The following MELK variants were observed in gnomAD, a reference collection of about 807,000 sequenced individuals.
The protein encoded by MELK is pEg3 kinase.
MELK carries 81 observed loss-of-function variants against 85.0 expected under a neutral mutation model. The ratio of observed to expected loss-of-function variants is 0.95; its 90% CI spans 0.80 to 1.15. MELK has a LOEUF of 1.15. Among genes scored for constraint, MELK ranks in the 50% most tolerant of loss-of-function variants. The pLI is 0.00. For synonymous variants in MELK, 252 were observed against 265.0 expected (o/e 0.95, Z 0.48); for missense variants, 754 against 777.5 (o/e 0.97, Z 0.36).
chr9:36,587,623 T>G (rs1313864615), intron 3 of MELK, among the ~76,000 whole-genome samples: 1 of 150,310 alleles, frequency 6.7e-6, no homozygotes, highest in African/African-American at 2.5e-5. Context: ...CCCCCGCCTT[T>G]TTTTTTCTGA....
intron 1 of MELK, among the ~76,000 whole-genome samples, chr9:36,573,546 C>A (rs752560607): frequency 6.6e-6 from 1 of 152,102 alleles, no homozygotes; most frequent in Non-Finnish European, 1.5e-5. Context: ...GCTCTTGTTG[C>A]CCAGGCTGGA....
intron 4 of MELK, among the ~76,000 whole-genome samples, chr9:36,590,003 C>T (rs1218320484): frequency 6.6e-6 from 1 of 150,484 alleles, no homozygotes; most frequent in Admixed American, 6.6e-5. Flanking sequence ...CTCACTGCAC[C>T]CTCCACCTCC....
Position 36,665,539 on chromosome 9 carries a change from G to A in MELK, c.1366G>A (p.Glu456Lys), listed in dbSNP as rs1193124922. Residue 456 changes from glutamate to lysine, a missense_variant, in exon 14 of 18, where the codon GAA (glutamate) becomes AAA (lysine). Transcript: ENST00000298048. Reference protein sequence around the residue: ...TPVNKNQHKREILTTPNRYTT... With the variant: ...TPVNKNQHKRKILTTPNRYTT... ...AGTTAATAAGAACCAGCATAAGAGA[G>A]AAATACTCACTACGCCAAATCGTTA... 6.2e-7 allele frequency: 1 copy of A among 1,613,836 alleles called. No homozygotes were observed. The highest frequency in any genetic ancestry group is 8.5e-7 in the Non-Finnish European group (1 of 1,179,888).
At chr9:36,668,810 G>A (rs1832626024) in intron 14 of MELK, among the ~76,000 whole-genome samples, 1 of 152,088 alleles carries the variant, frequency 6.6e-6, no homozygotes, top group African/African-American at 2.4e-5. Context: ...ACTGTGCCTG[G>A]CCAAAGCTTA....
intron 7 of MELK, among the ~76,000 whole-genome samples, chr9:36,604,371 C>T (rs536940182): frequency 5.7e-4 from 84 of 146,954 alleles, no homozygotes; most frequent in African/African-American, 1.6e-3. Context: ...CTCTGCCTCC[C>T]GGGTTCAGGC....
Position 36,658,956 on chromosome 9 carries a change from A to C in MELK, c.1176+1593A>C, listed in dbSNP as rs554948437. Among the ~76,000 whole-genome samples the C allele has an allele frequency of 2.8e-5, 4 of 143,488 alleles. No homozygotes were observed. The South Asian group carries it at 8.7e-4, about 31-fold the overall frequency. The allele number at this position is 143,488 out of a possible 152,430, so 94.1% of individuals were successfully genotyped here. A position where few individuals can be genotyped will look rare whatever the true frequency, so the allele number is the denominator to read the frequency against. On this transcript the variant is annotated intron_variant, in intron 13 of 17. Coordinates refer to ENST00000298048, the MANE Select transcript of MELK (RefSeq NM_014791.4). Reference sequence around the variant, plus strand: ...GACTGCAGTGGCGCTATCTTGGCTCACTGCAAGCTCCGCCTCCTGGGTTCA... The same window carrying C: ...GACTGCAGTGGCGCTATCTTGGCTCCCTGCAAGCTCCGCCTCCTGGGTTCA...
intron 8 of MELK, among the ~76,000 whole-genome samples, chr9:36,611,293 C>A (rs1001790921): frequency 6.6e-6 from 1 of 152,166 alleles, no homozygotes; most frequent in Non-Finnish European, 1.5e-5. Flanking sequence ...TCCTAGACTT[C>A]TAGAAAGACT....
intron 8 of MELK, among the ~76,000 whole-genome samples, chr9:36,623,341 A>G (rs1827619996): frequency 6.6e-6 from 1 of 152,212 alleles, no homozygotes; most frequent in Non-Finnish European, 1.5e-5. Context: ...GGTAAAATAT[A>G]TGTACAAGTG....
At chr9:36,600,610 C>G (rs777544257) in intron 7 of MELK, among the ~76,000 whole-genome samples, 1 of 152,220 alleles carries the variant, frequency 6.6e-6, no homozygotes, top group South Asian at 2.1e-4. Context: ...TGGTCTCGAT[C>G]TGCTGACCTC....
intron 8 of MELK, among the ~76,000 whole-genome samples, chr9:36,611,073 G>A (rs553433173): frequency 1.3e-3 from 202 of 152,264 alleles, no homozygotes; most frequent in African/African-American, 4.3e-3. Context: ...GTCAGTAAGC[G>A]TATAATGCAC....
At chr9:36,630,789 G>T (rs1292040956) in intron 9 of MELK, among the ~76,000 whole-genome samples, 1 of 149,276 alleles carries the variant, frequency 6.7e-6, no homozygotes, top group Non-Finnish European at 1.5e-5. Flanking sequence ...GAGTAGGTGG[G>T]ATTACAGGTG....
chr9:36,652,042 A>ATTTTTTTTTTTTTTTTTT (rs11465173), intron 12 of MELK, among the ~76,000 whole-genome samples, 165 bp downstream of exon 12: 1 of 91,392 alleles, frequency 1.1e-5, no homozygotes, highest in Non-Finnish European at 2.0e-5. Context: ...TTGAACTCTA[A>ATTTTTTTTTTTTTTTTTT]TTTTTTTTTT....
intron 12 of MELK, among the ~76,000 whole-genome samples, chr9:36,653,993 T>C (rs1830971971): frequency 6.9e-6 from 1 of 144,028 alleles, no homozygotes; most frequent in South Asian, 2.3e-4. Context: ...CACTGGCTGT[T>C]GTGTAAAGAA....
intron 1 of MELK, among the ~76,000 whole-genome samples, chr9:36,578,525 G>T (rs189467162): frequency 7.2e-5 from 11 of 152,264 alleles, no homozygotes; most frequent in African/African-American, 2.6e-4. Context: ...GAGAATTTTG[G>T]GTAGTCTCAG....
intron 16 of MELK, among the ~76,000 whole-genome samples, chr9:36,674,057 C>G (rs1833123503): frequency 1.3e-5 from 2 of 152,076 alleles, no homozygotes; most frequent in South Asian, 4.1e-4. Context: ...ACTTTTCTTC[C>G]TAGGCATTTT....
intron 13 of MELK, among the ~76,000 whole-genome samples, chr9:36,662,013 T>C (rs546699641): frequency 1.7e-4 from 26 of 151,428 alleles, no homozygotes; most frequent in Non-Finnish European, 3.1e-4. Flanking sequence ...GAAAATCTTG[T>C]CTTTTGAATT....
intron 7 of MELK, among the ~76,000 whole-genome samples, chr9:36,602,707 G>A (rs953166737): frequency 2.6e-5 from 4 of 151,662 alleles, no homozygotes; most frequent in Non-Finnish European, 5.9e-5. Context: ...TTACAGGCAT[G>A]TGCCACCATG....
At chr9:36,580,560 T>G (rs993320271) in intron 1 of MELK, among the ~76,000 whole-genome samples, 3 of 150,126 alleles carry the variant, frequency 2.0e-5, no homozygotes, top group African/African-American at 7.4e-5. Context: ...TCAGGTGATC[T>G]ACCCTCCTCA....
chr9:36,580,175 C>T (rs1035311631), intron 1 of MELK, among the ~76,000 whole-genome samples: 6 of 151,252 alleles, frequency 4.0e-5, no homozygotes, highest in African/African-American at 7.3e-5. Flanking sequence ...ACTACAGGCG[C>T]GTGCCACCAC....
Sources: allele counts gnomAD v4.1 joint callset (sites outside exome capture counted in the v4.1 genomes callset), GRCh38; gene constraint gnomAD v4.1.1; transcripts MANE v1.5; gene names NCBI Gene and HGNC (gene_info 2026-07-23, HGNC 2026-07-21).